The following SLC28A1 variants were observed in gnomAD, a reference collection of about 807,000 sequenced individuals.
SLC28A1 encodes the protein sodium/nucleoside cotransporter 1.
A neutral mutation model predicts 74.8 loss-of-function variants in SLC28A1; 64 were observed. The ratio of observed to expected loss-of-function variants is 0.86; its 90% CI spans 0.70 to 1.05. The LOEUF is 1.05. Among genes scored for constraint, SLC28A1 ranks in the 50% least tolerant of loss-of-function variants. The pLI is 0.00. For missense variants in SLC28A1, 828 were observed against 822.8 expected (o/e 1.01, Z -0.08); for synonymous variants, 359 against 335.0 (o/e 1.07, Z -0.78).
intron 8 of SLC28A1, among the ~76,000 whole-genome samples, chr15:84,906,731 T>C (rs975290006): frequency 6.6e-6 from 1 of 151,510 alleles, no homozygotes; most frequent in Non-Finnish European, 1.5e-5. Flanking sequence ...TGATCTCACC[T>C]TGAGCCACGG....
rs140812428 is a variant in SLC28A1 at position 84,895,287 on chromosome 15, C to T, written c.461+164C>T. ...CAGTGGGTGGCTTCAAACAAAGCAG[C>T]ATCTTTGTGGTGTTTCACCAGTTCT... On this transcript the variant is annotated intron_variant, in intron 6 of 18. Coordinates refer to ENST00000394573, the MANE Select transcript of SLC28A1 (RefSeq NM_004213.5). The T allele has an allele frequency of 7.4e-4, 1,172 of 1,592,018 alleles. 8 individuals carry two copies. The African/African-American group carries it at 0.014, about 19-fold the overall frequency.
the SLC28A1 span, among the ~76,000 whole-genome samples, chr15:84,956,758 G>A: frequency 1.3e-5 from 2 of 150,904 alleles, no homozygotes; most frequent in Non-Finnish European, 2.9e-5. Flanking sequence ...TCCTGCCATG[G>A]CCTCCCAAAG....
At chr15:84,899,109 C>G (rs1008176811) in intron 6 of SLC28A1, among the ~76,000 whole-genome samples, 2 of 152,058 alleles carry the variant, frequency 1.3e-5, no homozygotes, top group African/African-American at 4.8e-5. Flanking sequence ...AGTGTCTATT[C>G]CTGACAGGTG....
At chr15:84,907,447 A>G (rs1967408611) in intron 8 of SLC28A1, among the ~76,000 whole-genome samples, 1 of 152,162 alleles carries the variant, frequency 6.6e-6, no homozygotes, top group African/African-American at 2.4e-5. Flanking sequence ...GGCCTCCCAA[A>G]GTGCTGGGAT....
chr15:84,901,276 G>A (rs1966661048), intron 6 of SLC28A1, among the ~76,000 whole-genome samples: 1 of 152,210 alleles, frequency 6.6e-6, no homozygotes, highest in Non-Finnish European at 1.5e-5. Flanking sequence ...GAGGCCAAGG[G>A]TGGGTGGATC....
rs770859493 is a variant in SLC28A1, at chr15:84,904,241, G to A, written c.603+3G>A. ...CCTGCTCAAAGCATCATTGCGCAGT[G>A]AGTGCTAGTTGTGGGGCCCAGGGCT... On this transcript the variant is annotated splice_donor_region_variant and intron_variant, in intron 7 of 18. Transcript: ENST00000394573. The A allele has an allele frequency of 6.2e-7, 1 of 1,613,826 alleles. No individual in the cohort carries two copies. The highest frequency in any genetic ancestry group is 8.5e-7 in the Non-Finnish European group (1 of 1,180,038).
At chr15:84,925,067 GTTT>G in intron 12 of SLC28A1, among the ~76,000 whole-genome samples, 1 of 84,148 alleles carries the variant, frequency 1.2e-5, no homozygotes, top group Admixed American at 1.5e-4. Context: ...CGCCCAGCTA[GTTT>G]TTTTTTTTTT....
chr15:84,942,249 C>T (rs1457480471), intron 15 of SLC28A1, among the ~76,000 whole-genome samples: 1 of 152,098 alleles, frequency 6.6e-6, no homozygotes, highest in Non-Finnish European at 1.5e-5. Flanking sequence ...AATGGGGTAT[C>T]CATCCCCTCG....
chr15:84,915,207 C>T (rs1198350236), intron 9 of SLC28A1, among the ~76,000 whole-genome samples: 1 of 152,194 alleles, frequency 6.6e-6, no homozygotes, highest in East Asian at 1.9e-4. Flanking sequence ...GGGCACAGTT[C>T]TGGTGTTCTC....
the SLC28A1 span, among the ~76,000 whole-genome samples, chr15:84,963,714 C>T: frequency 6.6e-6 from 1 of 152,204 alleles, no homozygotes; most frequent in African/African-American, 2.4e-5. Flanking sequence ...AGCAGCTGAG[C>T]CATGCAGAGC....
chr15:84,900,036 G>T (rs1966487133), intron 6 of SLC28A1, among the ~76,000 whole-genome samples: 1 of 152,124 alleles, frequency 6.6e-6, no homozygotes, highest in African/African-American at 2.4e-5. Flanking sequence ...AAGCCTGCCG[G>T]CCAGGTGTGG....
At chr15:84,924,197 G>C in intron 12 of SLC28A1, 87 bp downstream of exon 12, 1 of 1,464,478 alleles carries the variant, frequency 6.8e-7, no homozygotes, top group Non-Finnish European at 9.5e-7. Flanking sequence ...GGCCAGAGCA[G>C]CCCTCAGATC....
intron 6 of SLC28A1, among the ~76,000 whole-genome samples, chr15:84,899,446 A>T (rs563385096): frequency 6.6e-6 from 1 of 152,350 alleles, no homozygotes; most frequent in South Asian, 2.1e-4. Context: ...AGCACAAGAA[A>T]CATGAAGACT....
In SLC28A1 at chr15:84,945,274, T is replaced by C; in HGVS notation, c.*74T>C. ...GGGAACCATCTGTCCCCACCTTCCC[T>C]TTCCCAGAGCCCTCTTCAGGGAAGC... On this transcript the variant is annotated 3_prime_UTR_variant, in exon 19 of 19. Transcript: ENST00000394573. 7.1e-7 allele frequency: 1 copy of C among 1,406,460 alleles called. No individual in the cohort carries two copies. Among genetic ancestry groups the C allele is most frequent in the Non-Finnish European group, 1.0e-6 (1 of 994,308 alleles). The allele number at this position is 1,406,460 out of a possible 1,614,324, so 87.1% of individuals were successfully genotyped here.
chr15:84,963,650 C>T, the SLC28A1 span, among the ~76,000 whole-genome samples: 1 of 152,160 alleles, frequency 6.6e-6, no homozygotes, highest in Admixed American at 6.5e-5. Context: ...TGTCTATCAG[C>T]CATTGTACAC....
At chr15:84,957,404 G>A in the SLC28A1 span, among the ~76,000 whole-genome samples, 4 of 152,082 alleles carry the variant, frequency 2.6e-5, no homozygotes, top group African/African-American at 9.7e-5. Context: ...GTGGCTGGGA[G>A]TACAGGCGAA....
chr15:84,890,838 G>T (rs1487943956), intron 5 of SLC28A1, among the ~76,000 whole-genome samples: 2 of 152,174 alleles, frequency 1.3e-5, no homozygotes, highest in African/African-American at 4.8e-5. Context: ...GGTGACATTG[G>T]AGTCTCACAG....
chr15:84,912,801 C>CGCGCGT (rs1555449075), intron 9 of SLC28A1, among the ~76,000 whole-genome samples: 25 of 61,146 alleles, frequency 4.1e-4, no homozygotes, highest in African/African-American at 1.0e-3. Context: ...AAATTTTGCG[C>CGCGCGT]GCGCGCACAC....
chr15:84,908,740 C>T lies in SLC28A1; in HGVS notation c.740C>T (p.Ala247Val). 6.2e-7 allele frequency: 1 copy of T among 1,613,914 alleles called. No individual in the cohort carries two copies. Among genetic ancestry groups the T allele is most frequent in the Non-Finnish European group, 8.5e-7 (1 of 1,179,950 alleles). Residue 247 changes from alanine to valine, a missense_variant, in exon 9 of 19, where the codon GCT becomes GTT. By Grantham distance (64) the Ala-to-Val change is moderately conservative. Transcript: ENST00000394573. Reference sequence around the variant, plus strand: ...CAGATCTTCCTGAGCTACACGAAGGCTGGCTCCAGCTTCGTGTTTGGGGAG... The same window carrying T: ...CAGATCTTCCTGAGCTACACGAAGGTTGGCTCCAGCTTCGTGTTTGGGGAG... ...QIRIFLSYTK[A>V]GSSFVFGEAL...
Sources: allele counts gnomAD v4.1 joint callset (sites outside exome capture counted in the v4.1 genomes callset), GRCh38; gene constraint gnomAD v4.1.1; transcripts MANE v1.5; gene names NCBI Gene and HGNC (gene_info 2026-07-23, HGNC 2026-07-21).